Variants in DNAH7 observed in about 807,000 individuals in gnomAD.
The protein encoded by DNAH7 is dynein axonemal heavy chain 7, also known as axonemal beta dynein heavy chain 7.
A neutral mutation model predicts 444.6 loss-of-function variants in DNAH7; 397 were observed. The observed-to-expected ratio is 0.89, with a 90% confidence interval of 0.82 to 0.97. The LOEUF is 0.97. DNAH7 is among the 50% of genes least tolerant of loss of function. The pLI is 0.00. For synonymous variants in DNAH7, 1,636 were observed against 1,624.4 expected (o/e 1.01, Z -0.17); for missense variants, 4,902 against 4,800.8 (o/e 1.02, Z -0.62).
At position 195,858,485 on chromosome 2, in the gene DNAH7, G is replaced by C. The variant is rs777395116; in HGVS notation, c.8056C>G (p.Leu2686Val). ...GGCGAAGCTCTTACCTGTGCAGTAA[G>C]AGTATCAAGGGCGGCCAGTGCTGAC... The part of the protein sequence containing the change: ...LESALAALDT[L>V]TAQDITVVKS... The change falls in exon 43 of 65, where the codon CTT (leucine) becomes GTT (valine). Residue 2686 changes from leucine to valine, a missense_variant. Coordinates refer to ENST00000312428, the MANE Select transcript of DNAH7 (RefSeq NM_018897.3). 53 of 1,603,394 alleles carry C rather than the reference G, an allele frequency of 3.3e-5. No homozygotes were observed. The highest frequency in any genetic ancestry group is 4.3e-5 in the Non-Finnish European group (50 of 1,174,682).
At position 195,816,549 on chromosome 2, in the gene DNAH7, GACA is replaced by G. The variant is rs535504135; in HGVS notation, c.9761+76_9761+78del. On this transcript the variant is annotated intron_variant, in intron 51 of 64. Transcript: ENST00000312428. Reference sequence around the variant, plus strand: ...GGCTGTAATGCTTGTACCACTCTGAGACAACAATAGAGGTCACAAATTACTCTC... The same window carrying G: ...GGCTGTAATGCTTGTACCACTCTGAGACAATAGAGGTCACAAATTACTCTC... The G allele has an allele frequency of 4.5e-5, 49 of 1,080,312 alleles. No homozygotes were observed. The African/African-American group carries it at 6.8e-4, about 15-fold the overall frequency. The allele number at this position is 1,080,312 out of a possible 1,614,324, so 66.9% of individuals were successfully genotyped here. A position where few individuals can be genotyped will look rare whatever the true frequency, so the allele number is the denominator to read the frequency against.
chr2:195,861,595 T>C (rs1700019503), intron 42 of DNAH7, 122 bp downstream of exon 42: 1 of 731,144 alleles, frequency 1.4e-6, no homozygotes, highest in East Asian at 2.7e-5. Context: ...AATTTAAAGA[T>C]GTAACAAAAC....
chr2:195,822,578 T>C (rs1169887325), intron 49 of DNAH7, among the ~76,000 whole-genome samples: 3 of 151,928 alleles, frequency 2.0e-5, no homozygotes, highest in Non-Finnish European at 4.4e-5. Flanking sequence ...ACTGCCTCAC[T>C]ATGTTTTCTA....
chr2:195,977,165 T>G (rs996366204), intron 15 of DNAH7, among the ~76,000 whole-genome samples: 2 of 152,142 alleles, frequency 1.3e-5, no homozygotes, highest in Admixed American at 6.5e-5. Context: ...ACCAAAGAGA[T>G]AAACCCAAAG....
In DNAH7 at chr2:196,048,334, C is replaced by G; in HGVS notation, c.212G>C (p.Ser71Thr). The change falls in exon 4 of 65, where the codon AGT (serine) becomes ACT (threonine). Residue 71 changes from serine to threonine, a missense_variant. Coordinates refer to ENST00000312428, the MANE Select transcript of DNAH7 (RefSeq NM_018897.3). ...FHLSVKQDDE[S>T]PEPFSVKNEQ... ...ATTTTTAACACTAAATGGTTCTGGA[C>G]TCTCATCATCCTGCTTTACACTCAA... 1 of 1,614,008 alleles carries G rather than the reference C, an allele frequency of 6.2e-7. No homozygotes were observed. Among genetic ancestry groups the G allele is most frequent in the Non-Finnish European group, 8.5e-7 (1 of 1,179,930 alleles).
intron 12 of DNAH7, among the ~76,000 whole-genome samples, chr2:195,992,445 C>A (rs957668062): frequency 1.3e-5 from 2 of 152,228 alleles, no homozygotes; most frequent in Admixed American, 1.3e-4. Context: ...TCTGTCTTGA[C>A]CCCACAACCA....
chr2:195,961,690 T>A (rs1236084891), intron 17 of DNAH7, among the ~76,000 whole-genome samples: 2 of 152,180 alleles, frequency 1.3e-5, no homozygotes, highest in Non-Finnish European at 2.9e-5. Flanking sequence ...TTTACATATA[T>A]AAAGAAAGAG....
At chr2:195,913,033 T>C (rs1687452723) in intron 24 of DNAH7, among the ~76,000 whole-genome samples, 1 of 152,156 alleles carries the variant, frequency 6.6e-6, no homozygotes, top group Non-Finnish European at 1.5e-5. Context: ...CCAGAAAAGC[T>C]AGGGAATCTA....
chr2:196,047,580 C>T (rs1697216623), intron 4 of DNAH7, 81 bp from the exon 5 acceptor site: 3 of 1,188,934 alleles, frequency 2.5e-6, no homozygotes, highest in South Asian at 2.5e-5. Flanking sequence ...AAATAAGATG[C>T]TAAATCACCT....
At chr2:195,849,504 G>A (rs1280536687) in intron 46 of DNAH7, among the ~76,000 whole-genome samples, 1 of 152,154 alleles carries the variant, frequency 6.6e-6, no homozygotes, top group Non-Finnish European at 1.5e-5. Context: ...GTTGATATGA[G>A]GAACAGATGG....
At chr2:195,856,559 T>C (rs958762950) in intron 44 of DNAH7, among the ~76,000 whole-genome samples, 3 of 152,296 alleles carry the variant, frequency 2.0e-5, no homozygotes, top group Admixed American at 2.0e-4. Flanking sequence ...AGCACTACTA[T>C]ATATATAGAA....
chr2:195,927,390 A>C (rs1326752244), intron 21 of DNAH7, among the ~76,000 whole-genome samples: 2 of 152,164 alleles, frequency 1.3e-5, no homozygotes, highest in Non-Finnish European at 2.9e-5. Context: ...ATATTTATAG[A>C]ATGGAACAAT....
chr2:195,950,356 T>A (rs1690135071), intron 19 of DNAH7, among the ~76,000 whole-genome samples: 1 of 152,198 alleles, frequency 6.6e-6, no homozygotes. Flanking sequence ...TGCCCAAGAA[T>A]TTATCCATTT....
chr2:196,067,116 C>A (rs1183684674), intron 1 of DNAH7, among the ~76,000 whole-genome samples: 1 of 152,096 alleles, frequency 6.6e-6, no homozygotes, highest in Non-Finnish European at 1.5e-5. Flanking sequence ...CCCAACATCA[C>A]TTTTATAAAG....
At chr2:195,932,635 T>C (rs1399347028) in intron 21 of DNAH7, among the ~76,000 whole-genome samples, 5 of 152,160 alleles carry the variant, frequency 3.3e-5, no homozygotes, top group African/African-American at 9.7e-5. Context: ...TGAAGTGTTG[T>C]TGAATTTTGT....
rs1446625777 is a variant in DNAH7 at position 195,778,669 on chromosome 2, T to TATATAC, written c.10879-685_10879-684insGTATAT. On this transcript the variant is annotated intron_variant, in intron 58 of 64. Transcript: ENST00000312428. The stretch of plus-strand genomic sequence containing the variant: ...ATATATATATATATATATATATATA[T>TATATAC]ACACACACACACATATATATACACA... Among the ~76,000 whole-genome samples, 20 of 64,062 alleles carry TATATAC rather than the reference T, an allele frequency of 3.1e-4. 2 individuals are homozygous for TATATAC. Among genetic ancestry groups the TATATAC allele is most frequent in the South Asian group, 2.1e-3 (4 of 1,926 alleles). 42.0% of individuals were successfully genotyped at this position (64,062 alleles called of 152,430 possible).
At chr2:195,890,321 G>A (rs1295286941) in intron 31 of DNAH7, among the ~76,000 whole-genome samples, 1 of 152,106 alleles carries the variant, frequency 6.6e-6, no homozygotes, top group African/African-American at 2.4e-5. Flanking sequence ...ATCACTTTGG[G>A]AAACACTACC....
At chr2:196,041,022 T>C (rs1559361282) in intron 5 of DNAH7, among the ~76,000 whole-genome samples, 1 of 151,288 alleles carries the variant, frequency 6.6e-6, no homozygotes, top group Non-Finnish European at 1.5e-5. Flanking sequence ...ATCTCTACAA[T>C]GAAAAATAAA....
intron 64 of DNAH7, among the ~76,000 whole-genome samples, chr2:195,738,988 C>A (rs1327043867): frequency 3.9e-5 from 6 of 152,162 alleles, no homozygotes. Flanking sequence ...GGCAGTTTTG[C>A]AAATACTAAC....
Sources: gnomAD v4.1 joint callset for allele counts (sites outside exome capture counted in the v4.1 genomes callset) on GRCh38, gnomAD v4.1.1 for gene constraint, MANE v1.5 for transcripts, NCBI Gene and HGNC (gene_info 2026-07-23, HGNC 2026-07-21) for gene names.